ITPR2: variants seen among roughly 807,000 people sequenced by gnomAD.
The protein encoded by ITPR2 is inositol 1,4,5-trisphosphate receptor type 2.
ITPR2 carries 207 observed loss-of-function variants against 317.1 expected under a neutral mutation model. The ratio of observed to expected loss-of-function variants is 0.65; its 90% confidence interval spans 0.58 to 0.73. The LOEUF (loss-of-function observed/expected upper bound fraction) is 0.73, where lower values mean the gene tolerates loss of function less well. ITPR2 is among the 30% of genes least tolerant of loss of function. The probability of loss-of-function intolerance (pLI) is 0.00; values close to 1 mark genes in which losing one functional copy is unlikely to be tolerated. For missense variants in ITPR2, 2,613 were observed against 3,284.0 expected (o/e 0.80, Z 4.99); for synonymous variants, 1,156 against 1,149.1 (o/e 1.01, Z -0.12).
At chr12:26,494,028 G>T in intron 39 of ITPR2, 125 bp downstream of exon 39, 1 of 591,002 alleles carries the variant, frequency 1.7e-6, no homozygotes, top group Non-Finnish European at 2.7e-6. Flanking sequence ...TGTGATACAT[G>T]GATTTTTTTT....
chr12:26,686,547 T>C lies in ITPR2; in HGVS notation c.1082A>G (p.Asn361Ser). The part of the protein sequence containing the change: ...MYTLVSVPHG[N>S]DIASLFELDA... ...TAGTTCAAAAAGGGATGCAATGTCA[T>C]TGCCATGCGGGACTGAAACCAAAGT... Residue 361 changes from asparagine to serine, a missense_variant, in exon 11 of 57, where the codon AAT becomes AGT. By Grantham distance (46) the Asn-to-Ser change is conservative (BLOSUM62 1). Transcript: ENST00000381340. 6.2e-7 allele frequency: 1 copy of C among 1,612,488 alleles called. No homozygotes were observed. Among genetic ancestry groups the C allele is most frequent in the Non-Finnish European group, 8.5e-7 (1 of 1,179,054 alleles).
intron 2 of ITPR2, among the ~76,000 whole-genome samples, chr12:26,739,191 C>T (rs893358791): frequency 3.3e-5 from 5 of 152,210 alleles, no homozygotes; most frequent in African/African-American, 1.2e-4. Flanking sequence ...AACTGGAATG[C>T]TCATACACTG....
Position 26,537,323 on chromosome 12 carries a change from A to G in ITPR2, c.5073+12924T>C, listed in dbSNP as rs547260168. On this transcript the variant is annotated intron_variant, in intron 37 of 56. Transcript: ENST00000381340. ...CAAGAGGATGGGGGACTCTTTGCCA[A>G]TTGTATATATGCTGCAGTCTATTTG... Among the ~76,000 whole-genome samples, 15 of 152,290 alleles carry G rather than the reference A, an allele frequency of 9.8e-5. No homozygotes were observed. In the East Asian group the frequency reaches 2.5e-3, roughly 25 times the overall value.
intron 2 of ITPR2, among the ~76,000 whole-genome samples, chr12:26,738,557 C>CT (rs1949170416): frequency 6.6e-6 from 1 of 152,014 alleles, no homozygotes; most frequent in Non-Finnish European, 1.5e-5. Context: ...TTCTCTTCCT[C>CT]TATTTTTTAG....
At position 26,692,470 on chromosome 12, in the gene ITPR2, G is replaced by C. The variant is rs116670653; in HGVS notation, c.996+3136C>G. Among the ~76,000 whole-genome samples the C allele has an allele frequency of 5.1e-3, 771 of 152,214 alleles. 3 individuals carry two copies. The highest frequency in any genetic ancestry group is 8.3e-3 in the African/African-American group (344 of 41,526). ...ATCAGATCATATTCCACATAAATAT[G>C]GTAATGTTAAGATGGGTAGCGTTAA... On this transcript the variant is annotated intron_variant, in intron 10 of 56. Coordinates refer to ENST00000381340, the MANE Select transcript of ITPR2 (RefSeq NM_002223.4).
chr12:26,795,999 AG>A (rs35432304), intron 1 of ITPR2, among the ~76,000 whole-genome samples: 10,767 of 96,440 alleles, frequency 0.11, 661 homozygotes, highest in African/African-American at 0.21. Context: ...ACAAAAAAAA[AG>A]GGGGGGGGGG....
intron 34 of ITPR2, among the ~76,000 whole-genome samples, chr12:26,575,356 A>C (rs1380932911): frequency 6.6e-6 from 1 of 151,914 alleles, no homozygotes; most frequent in Non-Finnish European, 1.5e-5. Flanking sequence ...AGATAACATT[A>C]ATTTCCTGCA....
intron 55 of ITPR2, among the ~76,000 whole-genome samples, chr12:26,387,000 C>G (rs185804846): frequency 1.6e-4 from 24 of 152,284 alleles, no homozygotes; most frequent in Non-Finnish European, 2.9e-4. Context: ...GAACATCATA[C>G]TATCCCCAAA....
At chr12:26,791,730 C>A (rs1199169589) in intron 1 of ITPR2, among the ~76,000 whole-genome samples, 1 of 152,108 alleles carries the variant, frequency 6.6e-6, no homozygotes, top group Non-Finnish European at 1.5e-5. Context: ...CACATTGGGT[C>A]AAGAGAAAGC....
chr12:26,575,267 T>G (rs1945249400), intron 34 of ITPR2, among the ~76,000 whole-genome samples: 1 of 150,528 alleles, frequency 6.6e-6, no homozygotes, highest in Non-Finnish European at 1.5e-5. Flanking sequence ...GTAGTGTTGA[T>G]TTTTTAAACC....
chr12:26,597,153 A>C lies in ITPR2; in HGVS notation c.4003-19T>G, dbSNP rs763222039. ...TTATCAACTGAAATGATAATAAGAG[A>C]GTCTATGTAGCAGTCCGAACATTCA... is the stretch of plus-strand genomic sequence containing the variant. On this transcript the variant is annotated intron_variant, in intron 30 of 56. Transcript: ENST00000381340. 1.9e-6 allele frequency: 3 copies of C among 1,612,808 alleles called. No individual in the cohort carries two copies. Among genetic ancestry groups the C allele is most frequent in the Non-Finnish European group, 2.5e-6 (3 of 1,179,712 alleles).
In ITPR2 at chr12:26,637,886, T is replaced by C. The variant is rs150520749; in HGVS notation, c.2741-5827A>G. ...TACTTAATGGAAGAAGCAGATAATA[T>C]GATACCTAATTTTCTTCATTCTAAA... On this transcript the variant is annotated intron_variant, in intron 21 of 56. Coordinates refer to ENST00000381340, the MANE Select transcript of ITPR2 (RefSeq NM_002223.4). 4.2e-3 allele frequency among the ~76,000 whole-genome samples: 633 copies of C among 152,296 alleles called. 4 individuals carry two copies. Among genetic ancestry groups the C allele is most frequent in the African/African-American group, 0.014 (601 of 41,558 alleles).
At chr12:26,556,879 G>A (rs983307130) in intron 35 of ITPR2, among the ~76,000 whole-genome samples, 1 of 152,004 alleles carries the variant, frequency 6.6e-6, no homozygotes, top group Non-Finnish European at 1.5e-5. Flanking sequence ...AGGATTTGGG[G>A]ACCAGCCTGG....
At position 26,556,562 on chromosome 12, in the gene ITPR2, T is replaced by TGTGTGTGTG. The variant is rs1319543594; in HGVS notation, c.4822-188_4822-187insCACACACAC. On this transcript the variant is annotated intron_variant, in intron 35 of 56. Transcript: ENST00000381340. Reference sequence around the variant, plus strand: ...GAATATTGCCTGGGTCTCTATTTTTTTTTTTGTGTGTGTGTGTGTGTGTGT... The same window carrying TGTGTGTGTG: ...GAATATTGCCTGGGTCTCTATTTTTTGTGTGTGTGTTTTTGTGTGTGTGTGTGTGTGTGT... Among the ~76,000 whole-genome samples the TGTGTGTGTG allele has an allele frequency of 2.5e-3, 244 of 99,192 alleles. 1 individual carries two copies. The highest frequency in any genetic ancestry group is 4.3e-3 in the Non-Finnish European group (171 of 39,540). The allele number at this position is 99,192 out of a possible 152,430, so 65.1% of individuals were successfully genotyped here.
At position 26,782,025 on chromosome 12, in the gene ITPR2, TATATATATGTATAGAGAGAGAGAGAGAG is replaced by T. The variant is rs1282600205; in HGVS notation, c.163+8104_163+8131del. Among the ~76,000 whole-genome samples the T allele has an allele frequency of 2.9e-4, 8 of 27,374 alleles. No homozygotes were observed. In the East Asian group the frequency reaches 4.4e-3, roughly 15 times the overall value. 18.0% of individuals were successfully genotyped at this position (27,374 alleles called of 152,430 possible). A position where few individuals can be genotyped will look rare whatever the true frequency, so the allele number is the denominator to read the frequency against. ...ATATATATATATATATATATATATA[TATATATATGTATAGAGAGAGAGAGAGAG>T]AGAGAGAGAGAGAGAGAGAGCGAGA... On this transcript the variant is annotated intron_variant, in intron 2 of 56. Transcript: ENST00000381340.
chr12:26,575,559 C>CT (rs1945255597), intron 34 of ITPR2, among the ~76,000 whole-genome samples: 1 of 152,052 alleles, frequency 6.6e-6, no homozygotes, highest in African/African-American at 2.4e-5. Context: ...ATGGAAACCT[C>CT]ACTCTTCACC....
At chr12:26,549,142 T>C (rs1423726658) in intron 37 of ITPR2, among the ~76,000 whole-genome samples, 1 of 152,212 alleles carries the variant, frequency 6.6e-6, no homozygotes, top group Non-Finnish European at 1.5e-5. Context: ...CCCAAGGAAT[T>C]CTCTTTATCA....
intron 54 of ITPR2, among the ~76,000 whole-genome samples, chr12:26,392,846 C>A (rs374859169): frequency 6.6e-6 from 1 of 152,160 alleles, no homozygotes; most frequent in East Asian, 1.9e-4. Flanking sequence ...ATCATCAAAT[C>A]CTTTCTCCAT....
At chr12:26,494,770 A>AG (rs2136872446) in intron 38 of ITPR2, among the ~76,000 whole-genome samples, 2 of 135,320 alleles carry the variant, frequency 1.5e-5, no homozygotes, top group African/African-American at 5.6e-5. Context: ...ACTCTGCCTC[A>AG]GAAAAAAAAA....
Sources: gnomAD v4.1 joint callset for allele counts (sites outside exome capture counted in the v4.1 genomes callset) on GRCh38, gnomAD v4.1.1 for gene constraint, MANE v1.5 for transcripts, NCBI Gene and HGNC (gene_info 2026-07-23, HGNC 2026-07-21) for gene names.